Variants in S100Z observed in about 807,000 individuals in gnomAD.
S100Z encodes protein S100-Z.
In S100Z, 11 loss-of-function variants were observed where a neutral mutation model predicts 8.5. The ratio of observed to expected loss-of-function variants is 1.30; its 90% confidence interval spans 0.82 to 2.15. The LOEUF (loss-of-function observed/expected upper bound fraction) is 2.15, where lower values mean the gene tolerates loss of function less well. Ranked by LOEUF, S100Z falls within the 30% of genes most tolerant of loss-of-function variation. The probability of loss-of-function intolerance (pLI) is 0.00; values close to 1 mark genes in which losing one functional copy is unlikely to be tolerated. For synonymous variants in S100Z, 34 were observed against 43.8 expected (o/e 0.78, Z 0.89); for missense variants, 126 against 117.9 (o/e 1.07, Z -0.32).
the S100Z span, among the ~76,000 whole-genome samples, chr5:76,933,211 C>G: frequency 6.6e-6 from 1 of 152,090 alleles, no homozygotes; most frequent in African/African-American, 2.4e-5. Context: ...GCGGAGTGCC[C>G]GGATGAGGCT....
At chr5:76,864,325 T>C (rs1477561302) in intron 1 of S100Z, among the ~76,000 whole-genome samples, 1 of 148,714 alleles carries the variant, frequency 6.7e-6, no homozygotes, top group African/African-American at 2.5e-5. Flanking sequence ...GTATAGAACA[T>C]ACAATTACAC....
chr5:76,913,241 T>A (rs996442062), intron 4 of S100Z, among the ~76,000 whole-genome samples: 2 of 152,210 alleles, frequency 1.3e-5, no homozygotes, highest in African/African-American at 4.8e-5. Flanking sequence ...TAACAGGGGA[T>A]CTAAATCTTA....
rs75951164 is a variant in S100Z at position 76,875,525 on chromosome 5, G to A, written c.141+25G>A. The A allele has an allele frequency of 2.0e-4, 311 of 1,584,736 alleles. 1 individual carries two copies. In the East Asian group the frequency reaches 6.7e-3, roughly 34 times the overall value. ...GGTGAGTCAGGCCTTTGTAAATGCTGTATTCATTTGAGGGTAGATGAGGTG... is the reference window on the plus strand; with the variant it reads ...GGTGAGTCAGGCCTTTGTAAATGCTATATTCATTTGAGGGTAGATGAGGTG... On this transcript the variant is annotated intron_variant, in intron 3 of 4. Coordinates refer to ENST00000317593, the MANE Select transcript of S100Z (RefSeq NM_130772.4).
downstream of S100Z, among the ~76,000 whole-genome samples, chr5:76,924,787 G>A (rs1745107254): frequency 6.6e-6 from 1 of 152,082 alleles, no homozygotes. Flanking sequence ...GCAGGCACCT[G>A]TAATCCCAGC....
At chr5:76,857,640 C>T (rs1405986019) in intron 1 of S100Z, among the ~76,000 whole-genome samples, 3 of 152,002 alleles carry the variant, frequency 2.0e-5, no homozygotes, top group South Asian at 2.1e-4. Flanking sequence ...TTGGAACTAC[C>T]GGCATGTGCC....
intron 4 of S100Z, among the ~76,000 whole-genome samples, chr5:76,886,335 T>C (rs1277499660): frequency 6.6e-6 from 1 of 151,938 alleles, no homozygotes; most frequent in Non-Finnish European, 1.5e-5. Context: ...ATGAAAGGAA[T>C]TGAAATTATG....
chr5:76,919,338 C>A (rs1282739064), intron 4 of S100Z, among the ~76,000 whole-genome samples: 1 of 152,228 alleles, frequency 6.6e-6, no homozygotes, highest in Non-Finnish European at 1.5e-5. Flanking sequence ...TGCTCCACAT[C>A]CATGGCAGCA....
intron 1 of S100Z, among the ~76,000 whole-genome samples, chr5:76,851,864 G>A (rs1750737108): frequency 6.6e-6 from 1 of 152,172 alleles, no homozygotes; most frequent in Admixed American, 6.6e-5. Flanking sequence ...GTAGAGGAAG[G>A]AATGAGGTTA....
chr5:76,859,500 G>A (rs1254592577), intron 1 of S100Z, among the ~76,000 whole-genome samples: 1 of 152,114 alleles, frequency 6.6e-6, no homozygotes, highest in East Asian at 1.9e-4. Flanking sequence ...AGAAGCCTCG[G>A]CCGGGGGCAG....
downstream of S100Z, among the ~76,000 whole-genome samples, chr5:76,924,078 A>G (rs570384757): frequency 4.1e-4 from 62 of 152,294 alleles, no homozygotes; most frequent in African/African-American, 1.4e-3. Context: ...ATTAAAACTC[A>G]TATCTCAGAG....
At chr5:76,902,569 A>G (rs998739315) in intron 4 of S100Z, among the ~76,000 whole-genome samples, 1 of 151,134 alleles carries the variant, frequency 6.6e-6, no homozygotes, top group Non-Finnish European at 1.5e-5. Context: ...AAATCTCTTC[A>G]GTACTCTTTC....
intron 1 of S100Z, among the ~76,000 whole-genome samples, chr5:76,852,994 T>C (rs561998828): frequency 1.6e-4 from 25 of 152,258 alleles, no homozygotes; most frequent in African/African-American, 5.5e-4. Flanking sequence ...AGAGTCTTCA[T>C]AGAGAGGGAA....
the S100Z span, among the ~76,000 whole-genome samples, chr5:76,942,982 G>A: frequency 6.6e-6 from 1 of 152,206 alleles, no homozygotes; most frequent in Non-Finnish European, 1.5e-5. Context: ...CTATGGGTTA[G>A]ATATTGTGAA....
chr5:76,904,142 A>G (rs1041842902), intron 4 of S100Z, among the ~76,000 whole-genome samples: 1 of 152,148 alleles, frequency 6.6e-6, no homozygotes, highest in Non-Finnish European at 1.5e-5. Context: ...TTTATATATT[A>G]TAAATATAAG....
the S100Z span, among the ~76,000 whole-genome samples, chr5:76,940,611 C>T: frequency 1.3e-5 from 2 of 152,078 alleles, no homozygotes; most frequent in African/African-American, 4.8e-5. Context: ...AGGGGTTTCA[C>T]CATGTTGGCC....
At chr5:76,930,015 A>G in the S100Z span, among the ~76,000 whole-genome samples, 3 of 152,236 alleles carry the variant, frequency 2.0e-5, no homozygotes, top group Admixed American at 2.0e-4. Flanking sequence ...GTGCATCAGC[A>G]TCCTAAAATT....
chr5:76,874,284 C>G (rs748910405), intron 2 of S100Z, among the ~76,000 whole-genome samples: 1 of 151,130 alleles, frequency 6.6e-6, no homozygotes, highest in Non-Finnish European at 1.5e-5. Context: ...TTTGCTGAGT[C>G]ATCTCCAGGT....
chr5:76,944,206 A>G, the S100Z span, among the ~76,000 whole-genome samples: 5 of 152,110 alleles, frequency 3.3e-5, no homozygotes, highest in Admixed American at 6.5e-5. Context: ...TTGAACCCTC[A>G]TTGCCTGGTG....
chr5:76,902,670 G>C (rs1405225572), intron 4 of S100Z, among the ~76,000 whole-genome samples: 1 of 146,898 alleles, frequency 6.8e-6, no homozygotes, highest in African/African-American at 2.5e-5. Context: ...TTTTTTTTCT[G>C]TGTAGATAGT....
Sources: allele counts gnomAD v4.1 joint callset (sites outside exome capture counted in the v4.1 genomes callset), GRCh38; gene constraint gnomAD v4.1.1; transcripts MANE v1.5; gene names NCBI Gene and HGNC (gene_info 2026-07-23, HGNC 2026-07-21).